SLC20A2: variants seen among roughly 807,000 people sequenced by gnomAD.
SLC20A2 encodes the protein solute carrier family 20 member 2.
Under a neutral mutation model 61.0 loss-of-function variants are expected in SLC20A2, and 30 were observed. That is an observed-to-expected ratio of 0.49 (90% CI 0.37 to 0.67). The LOEUF (loss-of-function observed/expected upper bound fraction) is 0.67. SLC20A2 is among the 30% of genes least tolerant of loss of function. The pLI, the probability that SLC20A2 is intolerant of heterozygous loss-of-function variation, is 0.00. For missense variants in SLC20A2, 626 were observed against 866.4 expected, an observed-to-expected ratio of 0.72 and a Z score of 3.48; for synonymous variants, 351 against 353.3, an observed-to-expected ratio of 0.99 and a Z score of 0.07.
chr8:42,434,472 A>G (rs760643290), intron 8 of SLC20A2, among the ~76,000 whole-genome samples: 1 of 152,116 alleles, frequency 6.6e-6, no homozygotes, highest in Non-Finnish European at 1.5e-5. Flanking sequence ...GCTCACTGCA[A>G]GCTCTTGTCT....
intron 5 of SLC20A2, among the ~76,000 whole-genome samples, chr8:42,448,314 A>G (rs1027535930): frequency 6.6e-6 from 1 of 152,246 alleles, no homozygotes; most frequent in Admixed American, 6.5e-5. Context: ...GAGAGAAACA[A>G]TCTGGGATAC....
chr8:42,521,488 C>G (rs1811620387), intron 1 of SLC20A2, among the ~76,000 whole-genome samples: 1 of 119,680 alleles, frequency 8.4e-6, no homozygotes, highest in African/African-American at 2.6e-5. Context: ...ATGAATCGAT[C>G]CTGTATTTTT....
At chr8:42,534,445 CAT>C (rs904253007) in intron 1 of SLC20A2, among the ~76,000 whole-genome samples, 1 of 152,066 alleles carries the variant, frequency 6.6e-6, no homozygotes, top group Non-Finnish European at 1.5e-5. Context: ...GAAAATAGAA[CAT>C]AGAGATTACC....
intron 1 of SLC20A2, among the ~76,000 whole-genome samples, chr8:42,515,810 T>C (rs188594759): frequency 1.3e-5 from 2 of 152,360 alleles, no homozygotes; most frequent in East Asian, 3.9e-4. Flanking sequence ...ACAATATTTA[T>C]GTATTTCCAC....
At chr8:42,446,303 C>T (rs1805209533) in intron 5 of SLC20A2, among the ~76,000 whole-genome samples, 2 of 152,226 alleles carry the variant, frequency 1.3e-5, no homozygotes, top group Non-Finnish European at 2.9e-5. Flanking sequence ...CTTTTCATAG[C>T]ACTGTCATGT....
chr8:42,425,242 G>C (rs1261094606), intron 10 of SLC20A2, among the ~76,000 whole-genome samples: 1 of 152,052 alleles, frequency 6.6e-6, no homozygotes, highest in Non-Finnish European at 1.5e-5. Context: ...ATCAAACACA[G>C]GATAATTATC....
In SLC20A2 at chr8:42,536,261, T is replaced by G. The variant is rs1586296966; in HGVS notation, c.-265+5560A>C. On this transcript the variant is annotated intron_variant, in intron 1 of 10. Transcript: ENST00000342228. ...GAGCATAACGAAAGCAGCAAGTCATTTCATCACTGACTCAAATTCTGAAGC... is the reference window on the plus strand; with the variant it reads ...GAGCATAACGAAAGCAGCAAGTCATGTCATCACTGACTCAAATTCTGAAGC... 6 of 152,322 alleles carry G rather than the reference T, an allele frequency of 3.9e-5. No individual in the cohort carries two copies. The East Asian group carries it at 7.7e-4, about 20-fold the overall frequency. 9.4% of individuals were successfully genotyped at this position (152,322 alleles called of 1,614,324 possible). A position where few individuals can be genotyped will look rare whatever the true frequency, so the allele number is the denominator to read the frequency against.
intron 1 of SLC20A2, among the ~76,000 whole-genome samples, chr8:42,483,572 T>G (rs1403731922): frequency 1.3e-5 from 2 of 152,228 alleles, no homozygotes; most frequent in Non-Finnish European, 2.9e-5. Flanking sequence ...CCAAGCTTTA[T>G]GAATTTATTC....
At chr8:42,516,788 C>T (rs1158944978) in intron 1 of SLC20A2, among the ~76,000 whole-genome samples, 1 of 152,220 alleles carries the variant, frequency 6.6e-6, no homozygotes, top group Non-Finnish European at 1.5e-5. Flanking sequence ...CTCACCTAAA[C>T]TGTGGTTCAG....
intron 1 of SLC20A2, among the ~76,000 whole-genome samples, chr8:42,523,770 G>GT (rs1318616107): frequency 1.3e-5 from 2 of 152,232 alleles, no homozygotes; most frequent in African/African-American, 4.8e-5. Flanking sequence ...GAAATTACAC[G>GT]TAAGAATGTT....
At chr8:42,527,313 G>A (rs981138566) in intron 1 of SLC20A2, among the ~76,000 whole-genome samples, 5 of 150,804 alleles carry the variant, frequency 3.3e-5, no homozygotes, top group African/African-American at 7.3e-5. Flanking sequence ...CTGAGCTTGC[G>A]GTGAGCCAAG....
chr8:42,464,869 G>A (rs1037538616), intron 3 of SLC20A2, among the ~76,000 whole-genome samples: 2 of 151,988 alleles, frequency 1.3e-5, no homozygotes, highest in Admixed American at 1.3e-4. Flanking sequence ...TAGCTACTCG[G>A]GAGGCTGAGG....
chr8:42,458,113 T>G (rs1380208834), intron 5 of SLC20A2, among the ~76,000 whole-genome samples: 7 of 152,012 alleles, frequency 4.6e-5, no homozygotes, highest in Non-Finnish European at 1.0e-4. Flanking sequence ...TAACAGACAT[T>G]AAGAAGATGA....
rs370613700 is a variant in SLC20A2 at position 42,462,593 on chromosome 8, TA to T, written c.516+411del. Among the ~76,000 whole-genome samples the T allele has an allele frequency of 8.5e-3, 1,207 of 141,662 alleles. 6 individuals are homozygous for T. Among genetic ancestry groups the T allele is most frequent in the African/African-American group, 0.018 (683 of 38,936 alleles). 92.9% of individuals were successfully genotyped at this position (141,662 alleles called of 152,430 possible). ...AGTGTTTCAACCTTGCTCTCTCCAT[TA>T]AAAAAAAAAAAGGGAACACACCTTC... On this transcript the variant is annotated intron_variant, in intron 4 of 10. Coordinates refer to ENST00000520262, the MANE Select transcript of SLC20A2 (RefSeq NM_001257180.2).
intron 3 of SLC20A2, among the ~76,000 whole-genome samples, chr8:42,464,132 G>T (rs1470945213): frequency 1.2e-4 from 3 of 24,782 alleles, no homozygotes; most frequent in Middle Eastern, 0.038. Flanking sequence ...TTGAGACAGG[G>T]TCTTGCTCTG....
intron 1 of SLC20A2, among the ~76,000 whole-genome samples, chr8:42,510,920 T>A (rs997366031): frequency 2.0e-5 from 3 of 151,890 alleles, no homozygotes; most frequent in African/African-American, 7.2e-5. Flanking sequence ...ATATATATAT[T>A]TTATATGTAA....
chr8:42,419,008 CAAA>C (rs778981433), intron 10 of SLC20A2, among the ~76,000 whole-genome samples: 3 of 64,190 alleles, frequency 4.7e-5, no homozygotes, highest in Admixed American at 1.9e-4. Context: ...GACTCTGTCT[CAAA>C]AAAAAAAAAA....
rs138530123 is a variant in SLC20A2 at position 42,420,821 on chromosome 8, T to G, written c.1795-2854A>C. On this transcript the variant is annotated intron_variant, in intron 10 of 10. Coordinates refer to ENST00000520262, the MANE Select transcript of SLC20A2 (RefSeq NM_001257180.2). ...ACAATCTGTCTCCAGAACTTTTTCA[T>G]CATCCCACGGGGAAACTGCCCCATA... 4.6e-4 allele frequency among the ~76,000 whole-genome samples: 70 copies of G among 152,334 alleles called. No individual in the cohort carries two copies. The East Asian group carries it at 0.013, about 29-fold the overall frequency.
chr8:42,528,708 C>A lies in SLC20A2; in HGVS notation c.-265+13113G>T, dbSNP rs533085818. 7.1e-4 allele frequency among the ~76,000 whole-genome samples: 107 copies of A among 151,584 alleles called. 1 individual carries two copies. In the South Asian group the frequency reaches 0.022, roughly 32 times the overall value. Reference sequence around the variant, plus strand: ...TTTGAGATGGAGTTTCGCTCATTGCCCAGGCTGGAGTGCAGTGGTGCGATC... The same window carrying A: ...TTTGAGATGGAGTTTCGCTCATTGCACAGGCTGGAGTGCAGTGGTGCGATC... On this transcript the variant is annotated intron_variant, in intron 1 of 10. Coordinates refer to the SLC20A2 transcript ENST00000342228.
Sources: gnomAD v4.1 joint callset for allele counts (sites outside exome capture counted in the v4.1 genomes callset) on GRCh38, gnomAD v4.1.1 for gene constraint, MANE v1.5 for transcripts, NCBI Gene and HGNC (gene_info 2026-07-23, HGNC 2026-07-21) for gene names.